Variants in ZC3H12B observed in about 807,000 individuals in gnomAD.
ZC3H12B encodes the protein probable ribonuclease ZC3H12B.
Under a neutral mutation model 43.9 loss-of-function variants are expected in ZC3H12B, and 7 were observed. The observed-to-expected ratio is 0.16, with a 90% CI of 0.09 to 0.30. The LOEUF (loss-of-function observed/expected upper bound fraction) is 0.30, where lower values mean the gene tolerates loss of function less well. ZC3H12B is among the 10% of genes least tolerant of loss of function. The pLI is 1.00. For synonymous variants in ZC3H12B, 222 were observed against 241.7 expected (o/e 0.92, Z 0.76); for missense variants, 475 against 670.2 (o/e 0.71, Z 3.22).
exon 5 of ZC3H12B, chrX:65,507,112 T>C (rs1011074760): frequency 4.5e-5 from 5 of 111,993 alleles, no homozygotes; most frequent in Admixed American, 9.6e-5. Flanking sequence ...CATAGAAGAG[T>C]TCATTTTGAG....
the ZC3H12B span, among the ~76,000 whole-genome samples, chrX:65,041,055 G>C: frequency 5.3e-5 from 6 of 112,674 alleles, no homozygotes; most frequent in African/African-American, 1.9e-4. Flanking sequence ...TGGGATTACA[G>C]GCGTGAGCCA....
At chrX:65,214,211 AG>A in the ZC3H12B span, among the ~76,000 whole-genome samples, 596 of 111,323 alleles carry the variant, frequency 5.4e-3, 3 homozygotes, top group Non-Finnish European at 7.8e-3. Flanking sequence ...GCTCAACATT[AG>A]GGTGGCTGTA....
chrX:65,272,010 C>T, the ZC3H12B span: 4 of 110,503 alleles, frequency 3.6e-5, no homozygotes, highest in East Asian at 2.8e-4. Flanking sequence ...GTCAGGAGAT[C>T]GAGACCATCC....
At chrX:65,267,472 C>CA in the ZC3H12B span, among the ~76,000 whole-genome samples, 391 of 90,415 alleles carry the variant, frequency 4.3e-3, 1 homozygote, top group East Asian at 0.027. Context: ...AAGAAGTATG[C>CA]AAAAAAAAAA....
At chrX:65,068,105 C>CTT in the ZC3H12B span, among the ~76,000 whole-genome samples, 649 of 60,766 alleles carry the variant, frequency 0.011, 17 homozygotes, top group African/African-American at 0.036. Context: ...CTTGATGTTA[C>CTT]TTTTTTTTTT....
At chrX:65,346,265 A>C in the ZC3H12B span, among the ~76,000 whole-genome samples, 1 of 110,407 alleles carries the variant, frequency 9.1e-6, no homozygotes. Flanking sequence ...CTAGTAAAAA[A>C]AAAAAAAAAA....
At chrX:65,207,251 TACACACACAC>T in the ZC3H12B span, among the ~76,000 whole-genome samples, 8 of 101,037 alleles carry the variant, frequency 7.9e-5, no homozygotes, top group Non-Finnish European at 1.4e-4. Context: ...TGTGTATATA[TACACACACAC>T]ACACACACAC....
the ZC3H12B span, among the ~76,000 whole-genome samples, chrX:65,082,622 A>T: frequency 9.0e-6 from 1 of 111,001 alleles, no homozygotes; most frequent in East Asian, 2.8e-4. Context: ...CTGTAATAAC[A>T]AGTCTACCAA....
the ZC3H12B span, among the ~76,000 whole-genome samples, chrX:65,242,488 G>A: frequency 1.8e-5 from 2 of 111,758 alleles, no homozygotes; most frequent in African/African-American, 6.5e-5. Context: ...AAATTAAAGA[G>A]GACATAAAAA....
chrX:65,341,457 A>G, the ZC3H12B span, among the ~76,000 whole-genome samples: 1 of 111,838 alleles, frequency 8.9e-6, no homozygotes, highest in Non-Finnish European at 1.9e-5. Context: ...AGTCAGCTAT[A>G]GAGAAAGCTC....
the ZC3H12B span, among the ~76,000 whole-genome samples, chrX:65,200,612 A>T: frequency 9.4e-6 from 1 of 106,608 alleles, no homozygotes; most frequent in East Asian, 2.9e-4. Context: ...TTTTTTGTAT[A>T]TTTAGTAGAG....
the ZC3H12B span, among the ~76,000 whole-genome samples, chrX:65,288,410 A>G: frequency 8.9e-6 from 1 of 112,145 alleles, no homozygotes; most frequent in South Asian, 3.6e-4. Flanking sequence ...ATTCTGAGTA[A>G]AGTACTAGCA....
chrX:65,420,084 C>G (rs1308720248), intron 3 of ZC3H12B, among the ~76,000 whole-genome samples: 1 of 112,173 alleles, frequency 8.9e-6, no homozygotes, highest in Non-Finnish European at 1.9e-5. Context: ...TTCATAGACT[C>G]AGTCTTCAAG....
chrX:65,257,051 C>T, the ZC3H12B span, among the ~76,000 whole-genome samples: 1 of 111,996 alleles, frequency 8.9e-6, no homozygotes, highest in Non-Finnish European at 1.9e-5. Flanking sequence ...GTGGTGATTC[C>T]TCAGGGATCT....
At chrX:65,122,997 C>G in the ZC3H12B span, among the ~76,000 whole-genome samples, 1 of 111,736 alleles carries the variant, frequency 8.9e-6, no homozygotes, top group Non-Finnish European at 1.9e-5. Context: ...GTTAACAAGT[C>G]TTGTGCCAGT....
chrX:65,093,342 G>C, the ZC3H12B span, among the ~76,000 whole-genome samples: 1 of 112,024 alleles, frequency 8.9e-6, no homozygotes, highest in Non-Finnish European at 1.9e-5. Flanking sequence ...AGTTCCCACT[G>C]GGTCACTGCC....
At chrX:65,114,616 G>GT in the ZC3H12B span, among the ~76,000 whole-genome samples, 2 of 110,294 alleles carry the variant, frequency 1.8e-5, no homozygotes, top group Non-Finnish European at 3.8e-5. Context: ...AATAAATTGT[G>GT]TTTTTTACCT....
At chrX:65,050,511 A>G in the ZC3H12B span, among the ~76,000 whole-genome samples, 1 of 111,274 alleles carries the variant, frequency 9.0e-6, no homozygotes, top group Non-Finnish European at 1.9e-5. Flanking sequence ...GTTTTTTATC[A>G]TGAAGTATGA....
the ZC3H12B span, among the ~76,000 whole-genome samples, chrX:65,092,901 C>T: frequency 3.6e-5 from 4 of 111,796 alleles, no homozygotes; most frequent in Middle Eastern, 4.6e-3. Context: ...ATAACCAAGA[C>T]GGTGGGAAAA....
Sources: allele counts gnomAD v4.1 joint callset (sites outside exome capture counted in the v4.1 genomes callset), GRCh38; gene constraint gnomAD v4.1.1; transcripts MANE v1.5; gene names NCBI Gene and HGNC (gene_info 2026-07-23, HGNC 2026-07-21).